The following CASD1 variants were observed in gnomAD, a reference collection of about 807,000 sequenced individuals.
CASD1 encodes CAS1 domain sialic acid O acetyltransferase 1.
CASD1 carries 41 observed loss-of-function variants against 100.0 expected under a neutral mutation model. That is an observed-to-expected ratio of 0.41 (90% CI 0.32 to 0.53). The LOEUF (loss-of-function observed/expected upper bound fraction) is 0.53, where lower values mean the gene tolerates loss of function less well. Ranked by LOEUF, CASD1 falls within the 20% of genes least tolerant of loss-of-function variation. CASD1 has a pLI of 0.25. For synonymous variants in CASD1, 321 were observed against 315.6 expected (o/e 1.02, Z -0.18); for missense variants, 774 against 948.7 (o/e 0.82, Z 2.42).
the CASD1 span, among the ~76,000 whole-genome samples, chr7:94,573,617 G>C: frequency 6.6e-6 from 1 of 152,178 alleles, no homozygotes; most frequent in Admixed American, 6.5e-5. Flanking sequence ...TTAGTGAAAG[G>C]AGCTTTTGGG....
At chr7:94,576,653 G>A in the CASD1 span, among the ~76,000 whole-genome samples, 1 of 152,136 alleles carries the variant, frequency 6.6e-6, no homozygotes, top group African/African-American at 2.4e-5. Flanking sequence ...TTGATACCAA[G>A]GCTTCGGTGA....
the CASD1 span, chr7:94,621,976 C>T: frequency 6.6e-6 from 1 of 152,186 alleles, no homozygotes; most frequent in Non-Finnish European, 1.5e-5. Flanking sequence ...TTGTTGTCTA[C>T]AATTGATACC....
chr7:94,527,873 T>G (rs896442681), intron 4 of CASD1, among the ~76,000 whole-genome samples: 2 of 152,142 alleles, frequency 1.3e-5, no homozygotes, highest in Non-Finnish European at 2.9e-5. Flanking sequence ...GTTAACAACT[T>G]ACAGGATTTT....
intron 1 of CASD1, among the ~76,000 whole-genome samples, chr7:94,515,540 A>G (rs1340404514): frequency 1.3e-5 from 2 of 152,052 alleles, no homozygotes; most frequent in Non-Finnish European, 2.9e-5. Context: ...TGCATTTTAG[A>G]CACGTTTTCT....
chr7:94,582,060 A>G, the CASD1 span, among the ~76,000 whole-genome samples: 1 of 152,018 alleles, frequency 6.6e-6, no homozygotes, highest in Non-Finnish European at 1.5e-5. Flanking sequence ...TTTTTTTTTA[A>G]TAATAGCCAT....
the CASD1 span, chr7:94,628,350 C>T: frequency 2.5e-6 from 4 of 1,607,928 alleles, no homozygotes; most frequent in Non-Finnish European, 2.6e-6. Flanking sequence ...GGGATCATTA[C>T]TAATCTCGCC....
Position 94,535,538 on chromosome 7 carries a change from C to G in CASD1, c.843+15C>G. Reference sequence around the variant, plus strand: ...GCAGAGAAACTGTGAGAAATTTTTACATATGTCAGTAGATGGAGACTATAA... The same window carrying G: ...GCAGAGAAACTGTGAGAAATTTTTAGATATGTCAGTAGATGGAGACTATAA... On this transcript the variant is annotated intron_variant, in intron 8 of 17. Transcript: ENST00000297273. 1.9e-6 allele frequency: 3 copies of G among 1,563,392 alleles called. No homozygotes were observed. The highest frequency in any genetic ancestry group is 2.6e-6 in the Non-Finnish European group (3 of 1,134,706).
chr7:94,572,213 G>C, the CASD1 span, among the ~76,000 whole-genome samples: 1 of 152,104 alleles, frequency 6.6e-6, no homozygotes. Flanking sequence ...TGAGATTACA[G>C]ACATGAGCCA....
At chr7:94,521,481 T>C (rs1199220162) in intron 3 of CASD1, among the ~76,000 whole-genome samples, 2 of 152,180 alleles carry the variant, frequency 1.3e-5, no homozygotes, top group Non-Finnish European at 2.9e-5. Context: ...AGTGTTCTAA[T>C]GTACTCTATA....
At chr7:94,607,964 G>A in the CASD1 span, among the ~76,000 whole-genome samples, 2 of 152,232 alleles carry the variant, frequency 1.3e-5, no homozygotes, top group Middle Eastern at 3.4e-3. Flanking sequence ...AATACATGAG[G>A]CAAGAGCTGA....
chr7:94,540,536 CTAAAATTAT>C (rs1484592605), intron 10 of CASD1, among the ~76,000 whole-genome samples: 1 of 152,018 alleles, frequency 6.6e-6, no homozygotes, highest in Non-Finnish European at 1.5e-5. Context: ...ATAAATGTTA[CTAAAATTAT>C]TTGGCTATGA....
chr7:94,526,505 G>C (rs781723946), intron 3 of CASD1, among the ~76,000 whole-genome samples: 10 of 152,224 alleles, frequency 6.6e-5, no homozygotes, highest in Non-Finnish European at 1.3e-4. Context: ...AGTAATACAA[G>C]TGCTGGGCAC....
rs1133697 is a variant in CASD1 at position 94,556,578 on chromosome 7, A to G, written c.*820A>G. On this transcript the variant is annotated 3_prime_UTR_variant, in exon 18 of 18. Coordinates refer to ENST00000297273, the MANE Select transcript of CASD1 (RefSeq NM_022900.5). ...GTTATCCCCACTAATTAATTTTCGT[A>G]TATTATTTCCAATATTTGGAAAGCT... 2 of 151,946 alleles carry G rather than the reference A, an allele frequency of 1.3e-5. No homozygotes were observed. The highest frequency in any genetic ancestry group is 2.9e-5 in the Non-Finnish European group (2 of 67,908). The allele number at this position is 151,946 out of a possible 1,614,324, so 9.4% of individuals were successfully genotyped here. A position where few individuals can be genotyped will look rare whatever the true frequency, so the allele number is the denominator to read the frequency against.
At chr7:94,540,287 C>T (rs1795333104) in intron 10 of CASD1, among the ~76,000 whole-genome samples, 1 of 152,126 alleles carries the variant, frequency 6.6e-6, no homozygotes, top group Non-Finnish European at 1.5e-5. Flanking sequence ...TATTTGCTTA[C>T]ATCTGTAAAC....
rs1377643601 is a variant in CASD1, at chr7:94,555,727, TATC to T, written c.2367_2369del (p.Ser790del). On this transcript the variant is annotated inframe_deletion, in exon 18 of 18. Coordinates refer to ENST00000297273, the MANE Select transcript of CASD1 (RefSeq NM_022900.5). ...GCATTTTTTTGTGGACTCCTCATCT[TATC>T]ATCCATTCAAGATAAATCAAAACAT... 1 of 1,613,114 alleles carries T rather than the reference TATC, an allele frequency of 6.2e-7. No individual in the cohort carries two copies. Among genetic ancestry groups the T allele is most frequent in the East Asian group, 2.2e-5 (1 of 44,838 alleles).
chr7:94,510,095 T>C lies in CASD1; in HGVS notation c.11T>C (p.Leu4Pro), dbSNP rs1213300387. ...CATGGAGGAACCAAGATGGCGGCTC[T>C]GGCCTACAACCTGGGCAAGCGGGAG... MAA[L>P]AYNLGKREIN... Residue 4 changes from leucine (L) to proline (P), a missense_variant, in exon 1 of 18, where the codon CTG becomes CCG. Physicochemically the swap from Leu to Pro is moderately conservative, Grantham distance 98. This residue lies in a region of CASD1 where 75 missense variants were observed against 60.9 expected (regional missense o/e 1.23). Coordinates refer to ENST00000297273, the MANE Select transcript of CASD1 (RefSeq NM_022900.5). The C allele has an allele frequency of 1.1e-5, 16 of 1,523,696 alleles. No individual in the cohort carries two copies. The highest frequency in any genetic ancestry group is 1.4e-5 in the African/African-American group (1 of 70,438). The allele number at this position is 1,523,696 out of a possible 1,614,324, so 94.4% of individuals were successfully genotyped here.
chr7:94,633,828 A>G, the CASD1 span, among the ~76,000 whole-genome samples: 12 of 152,298 alleles, frequency 7.9e-5, 1 homozygote, highest in East Asian at 1.7e-3. Context: ...TCCACAGCAT[A>G]TAACTTCACA....
rs540160719 is a variant in CASD1 at position 94,528,079 on chromosome 7, G to A, written c.397-109G>A. The A allele has an allele frequency of 9.7e-5, 72 of 742,548 alleles. 1 individual carries two copies. The highest frequency in any genetic ancestry group is 7.4e-4 in the East Asian group (29 of 39,394). 46.0% of individuals were successfully genotyped at this position (742,548 alleles called of 1,614,324 possible). A position where few individuals can be genotyped will look rare whatever the true frequency, so the allele number is the denominator to read the frequency against. ...AGGAATTGAAGATGTCTTGGACAAG[G>A]TAGTGTTTTACTTTTAAGTACTCTG... is the stretch of plus-strand genomic sequence containing the variant. On this transcript the variant is annotated intron_variant, in intron 4 of 17. Coordinates refer to ENST00000297273, the MANE Select transcript of CASD1 (RefSeq NM_022900.5).
chr7:94,542,737 A>G lies in CASD1; in HGVS notation c.1357-1674A>G, dbSNP rs1306365496. On this transcript the variant is annotated intron_variant, in intron 10 of 17. Coordinates refer to ENST00000297273, the MANE Select transcript of CASD1 (RefSeq NM_022900.5). ...TCTTCTATTAAAAGATGCTTAGGCAATCCACGAAGGGGATATTTTAGAGTA... is the reference window on the plus strand; with the variant it reads ...TCTTCTATTAAAAGATGCTTAGGCAGTCCACGAAGGGGATATTTTAGAGTA... Among the ~76,000 whole-genome samples, 12 of 152,304 alleles carry G rather than the reference A, an allele frequency of 7.9e-5. No individual in the cohort carries two copies. The East Asian group carries it at 1.3e-3, about 17-fold the overall frequency.
Sources: gnomAD v4.1 joint callset for allele counts (sites outside exome capture counted in the v4.1 genomes callset) on GRCh38, gnomAD v4.1.1 for gene constraint, gnomAD v4.1.1 regional missense constraint, MANE v1.5 for transcripts, NCBI Gene and HGNC (gene_info 2026-07-23, HGNC 2026-07-21) for gene names.